GABRA4: variants seen among roughly 807,000 people sequenced by gnomAD.
GABRA4 encodes gamma-aminobutyric acid type A receptor subunit alpha4, also known as gamma-aminobutyric acid receptor subunit alpha-4.
A neutral mutation model predicts 49.7 loss-of-function variants in GABRA4; 12 were observed. That is an observed-to-expected ratio of 0.24 (90% CI 0.15 to 0.39). The LOEUF (loss-of-function observed/expected upper bound fraction) is 0.39. Among genes scored for constraint, GABRA4 ranks in the 10% least tolerant of loss-of-function variants. The pLI, the probability that GABRA4 is intolerant of heterozygous loss-of-function variation, is 1.00. For missense variants in GABRA4, 506 were observed against 686.0 expected (o/e 0.74, Z 2.93); for synonymous variants, 288 against 240.2 (o/e 1.20, Z -1.84).
rs139530548 is a variant in GABRA4, at chr4:46,975,772, T to C, written c.577+1289A>G. 3.8e-3 allele frequency among the ~76,000 whole-genome samples: 571 copies of C among 152,026 alleles called. 2 individuals carry two copies. The highest frequency in any genetic ancestry group is 0.013 in the African/African-American group (554 of 41,526). ...TCCTCTACATGAGAACTAATTTGGGTAAAATTTGAATGATTACAGCACAAA... is the reference window on the plus strand; with the variant it reads ...TCCTCTACATGAGAACTAATTTGGGCAAAATTTGAATGATTACAGCACAAA... On this transcript the variant is annotated intron_variant, in intron 5 of 8. Coordinates refer to ENST00000264318, the MANE Select transcript of GABRA4 (RefSeq NM_000809.4).
At position 46,920,649 on chromosome 4, in the gene GABRA4, CCT is replaced by C. The variant is rs1720991779; in HGVS notation, c.*7574_*7575del. On this transcript the variant is annotated 3_prime_UTR_variant, in exon 9 of 9. Transcript: ENST00000264318. ...TATTTTGCTGACACCATTTGTTTAT[CCT>C]CTCTGATCACACACACTCACACCAA... The C allele has an allele frequency of 1.3e-5, 2 of 151,528 alleles. No homozygotes were observed. 9.4% of individuals were successfully genotyped at this position (151,528 alleles called of 1,614,324 possible).
At chr4:46,983,910 C>T (rs1295771623) in intron 2 of GABRA4, among the ~76,000 whole-genome samples, 2 of 151,900 alleles carry the variant, frequency 1.3e-5, no homozygotes, top group Admixed American at 6.6e-5. Flanking sequence ...GTAAGGTAAA[C>T]AAGATGATTC....
rs556551383 is a variant in GABRA4, at chr4:46,977,394, T to TA, written c.494+15dup. On this transcript the variant is annotated intron_variant, in intron 4 of 8. Coordinates refer to ENST00000264318, the MANE Select transcript of GABRA4 (RefSeq NM_000809.4). ...AAGAATAAAAAAGGAAGGGAAGAAG[T>TA]AAAAAAAAATATTACCTCATTGTGT... The TA allele has an allele frequency of 2.6e-4, 340 of 1,308,930 alleles. No homozygotes were observed. Among genetic ancestry groups the TA allele is most frequent in the Middle Eastern group, 5.2e-4 (2 of 3,836 alleles). The allele number at this position is 1,308,930 out of a possible 1,614,324, so 81.1% of individuals were successfully genotyped here.
At chr4:46,936,089 C>T (rs1237914370) in intron 8 of GABRA4, among the ~76,000 whole-genome samples, 1 of 152,148 alleles carries the variant, frequency 6.6e-6, no homozygotes, top group African/African-American at 2.4e-5. Context: ...TTGCACCTGG[C>T]ACTCAGCTAA....
At chr4:46,989,831 A>T (rs1723681074) in intron 2 of GABRA4, among the ~76,000 whole-genome samples, 1 of 152,206 alleles carries the variant, frequency 6.6e-6, no homozygotes, top group South Asian at 2.1e-4. Context: ...TACTAGTCAA[A>T]ATCTGGATTG....
rs1374126686 is a variant in GABRA4 at position 46,971,064 on chromosome 4, A to T, written c.874+19T>A. ...AATGTAATGTGAACAAAAACGCCCAAGAAATGAATTGCAATTACCAAATAC... is the reference window on the plus strand; with the variant it reads ...AATGTAATGTGAACAAAAACGCCCATGAAATGAATTGCAATTACCAAATAC... On this transcript the variant is annotated intron_variant, in intron 7 of 8. Coordinates refer to ENST00000264318, the MANE Select transcript of GABRA4 (RefSeq NM_000809.4). The T allele has an allele frequency of 6.3e-7, 1 of 1,595,046 alleles. No homozygotes were observed. The highest frequency in any genetic ancestry group is 1.8e-5 in the Admixed American group (1 of 55,768).
intron 8 of GABRA4, among the ~76,000 whole-genome samples, chr4:46,964,631 T>C (rs1458853125): frequency 1.3e-5 from 2 of 150,926 alleles, no homozygotes; most frequent in African/African-American, 4.8e-5. Flanking sequence ...ATGAACTCTA[T>C]TAAAATGTTT....
intron 8 of GABRA4, among the ~76,000 whole-genome samples, chr4:46,962,298 T>A (rs935470799): frequency 1.3e-5 from 2 of 151,840 alleles, no homozygotes; most frequent in Non-Finnish European, 2.9e-5. Context: ...ATCAGTAGCA[T>A]TTTTGTATGT....
intron 5 of GABRA4, 24 bp from the exon 6 acceptor site, chr4:46,974,399 T>C (rs1253091192): frequency 6.3e-7 from 1 of 1,596,168 alleles, no homozygotes; most frequent in Middle Eastern, 1.7e-4. Flanking sequence ...CAGAATGTGG[T>C]TAGAGTCAAT....
intron 8 of GABRA4, among the ~76,000 whole-genome samples, chr4:46,932,096 G>A (rs150369864): frequency 6.6e-6 from 1 of 152,228 alleles, no homozygotes; most frequent in African/African-American, 2.4e-5. Context: ...GAGGGCGGAA[G>A]TTCCTCAGAC....
At chr4:46,973,419 C>G (rs188272844) in intron 6 of GABRA4, among the ~76,000 whole-genome samples, 3 of 151,812 alleles carry the variant, frequency 2.0e-5, no homozygotes, top group Admixed American at 1.3e-4. Flanking sequence ...ATTCTGTGAA[C>G]GAAGAAATGG....
intron 4 of GABRA4, 76 bp downstream of exon 4, chr4:46,977,326 GAGGAAGGA>G (rs993736755): frequency 2.2e-5 from 16 of 711,636 alleles, no homozygotes; most frequent in Admixed American, 9.3e-5. Context: ...GGAAGGGAGG[GAGGAAGGA>G]AGGAAGGAAG....
At chr4:46,978,687 C>CAAAAAAA (rs71193889) in intron 3 of GABRA4, among the ~76,000 whole-genome samples, 31 of 21,568 alleles carry the variant, frequency 1.4e-3, no homozygotes, top group South Asian at 3.4e-3. Flanking sequence ...AACTTCATCT[C>CAAAAAAA]AAAAAAAAAA....
intron 8 of GABRA4, among the ~76,000 whole-genome samples, chr4:46,959,045 T>C (rs1231783405): frequency 1.3e-5 from 2 of 152,014 alleles, no homozygotes; most frequent in Admixed American, 1.3e-4. Context: ...TCAAAACTTA[T>C]AATTCTTAGA....
rs543477531 is a variant in GABRA4 at position 46,971,570 on chromosome 4, C to T, written c.722-335G>A. Among the ~76,000 whole-genome samples, 8 of 151,396 alleles carry T rather than the reference C, an allele frequency of 5.3e-5. No individual in the cohort carries two copies. In the South Asian group the frequency reaches 1.7e-3, roughly 31 times the overall value. ...CATTTTCAGCGTTTTTTAGAAACAG[C>T]ATTTAGACCTATCTTCTATGAAAAA... On this transcript the variant is annotated intron_variant, in intron 6 of 8. Coordinates refer to ENST00000264318, the MANE Select transcript of GABRA4 (RefSeq NM_000809.4).
chr4:46,952,649 G>A (rs946236808), intron 8 of GABRA4, among the ~76,000 whole-genome samples: 1 of 152,044 alleles, frequency 6.6e-6, no homozygotes, highest in Non-Finnish European at 1.5e-5. Flanking sequence ...GGGAAAATTG[G>A]CAGCTTAGTC....
At position 46,928,015 on chromosome 4, in the gene GABRA4, G is replaced by A; in HGVS notation, c.*210C>T. On this transcript the variant is annotated 3_prime_UTR_variant, in exon 9 of 9. Coordinates refer to ENST00000264318, the MANE Select transcript of GABRA4 (RefSeq NM_000809.4). ...TGTATTCTATCTAACTGAATGCTGA[G>A]TTCTTTTAAAATAATTTTTCTGAAA... 1 of 471,878 alleles carries A rather than the reference G, an allele frequency of 2.1e-6. No homozygotes were observed. Among genetic ancestry groups the A allele is most frequent in the South Asian group, 3.0e-5 (1 of 33,042 alleles). The allele number at this position is 471,878 out of a possible 1,614,324, so 29.2% of individuals were successfully genotyped here. A position where few individuals can be genotyped will look rare whatever the true frequency, so the allele number is the denominator to read the frequency against.
intron 8 of GABRA4, among the ~76,000 whole-genome samples, chr4:46,936,502 G>A (rs12649623): frequency 0.24 from 36,962 of 151,926 alleles, 4,693 homozygotes; most frequent in East Asian, 0.29. Context: ...CGCCCACCTC[G>A]GCCTCCCAAA....
intron 8 of GABRA4, among the ~76,000 whole-genome samples, chr4:46,942,584 T>G (rs1343956281): frequency 6.7e-6 from 1 of 148,940 alleles, no homozygotes; most frequent in African/African-American, 2.5e-5. Flanking sequence ...GAGATTGCAC[T>G]ATTGCACTCC....
Sources: gnomAD v4.1 joint callset for allele counts (sites outside exome capture counted in the v4.1 genomes callset) on GRCh38, gnomAD v4.1.1 for gene constraint, MANE v1.5 for transcripts, NCBI Gene and HGNC (gene_info 2026-07-23, HGNC 2026-07-21) for gene names.